The following TCF20 variants were observed in gnomAD, a reference collection of about 807,000 sequenced individuals.
The protein encoded by TCF20 is transcription factor 20, also known as SPRE-binding protein.
TCF20 carries 3 observed loss-of-function variants against 148.6 expected under a neutral mutation model. The ratio of observed to expected loss-of-function variants is 0.02; its 90% confidence interval spans 0.01 to 0.05. TCF20 has a LOEUF of 0.05. Ranked by LOEUF, TCF20 falls within the 10% of genes least tolerant of loss-of-function variation. The probability of loss-of-function intolerance (pLI) is 1.00; values close to 1 mark genes in which losing one functional copy is unlikely to be tolerated. For missense variants in TCF20, 2,350 were observed against 2,429.3 expected (o/e 0.97, Z 0.69); for synonymous variants, 1,049 against 909.5 (o/e 1.15, Z -2.76).
intron 2 of TCF20, among the ~76,000 whole-genome samples, chr22:42,194,889 T>TA (rs1464880544): frequency 6.6e-6 from 1 of 151,780 alleles, no homozygotes. Flanking sequence ...GAGTTAGGTG[T>TA]AGCTTCTCCA....
exon 1 of TCF20, among the ~76,000 whole-genome samples, chr22:42,283,995 T>A (rs933376985): frequency 4.6e-5 from 7 of 152,090 alleles, no homozygotes; most frequent in Non-Finnish European, 1.0e-4. Flanking sequence ...TCCTCGCGGC[T>A]CCTCCTGCCC....
At chr22:42,174,879 G>A (rs1314685301) in intron 3 of TCF20, among the ~76,000 whole-genome samples, 2 of 152,084 alleles carry the variant, frequency 1.3e-5, no homozygotes, top group South Asian at 4.2e-4. Context: ...ACTAAAAACA[G>A]AAAAAATTAG....
upstream of TCF20, among the ~76,000 whole-genome samples, chr22:42,286,152 C>T (rs115024078): frequency 0.021 from 3,190 of 152,286 alleles, 127 homozygotes; most frequent in African/African-American, 0.072. Context: ...AGGGTCTCAG[C>T]ACAGTGCAGA....
intron 1 of TCF20, among the ~76,000 whole-genome samples, chr22:42,264,261 T>TGGGGCGGGGGC (rs1174474635): frequency 6.0e-4 from 1 of 1,656 alleles, no homozygotes; most frequent in African/African-American, 4.1e-3. Flanking sequence ...AGATCTAAAG[T>TGGGGCGGGGGC]GGGGCGGGGG....
intron 2 of TCF20, among the ~76,000 whole-genome samples, chr22:42,186,906 T>C (rs1937072589): frequency 1.3e-5 from 2 of 152,232 alleles, no homozygotes; most frequent in Non-Finnish European, 2.9e-5. Flanking sequence ...TTCGAAAGCA[T>C]TGAAAACTGC....
intron 2 of TCF20, among the ~76,000 whole-genome samples, chr22:42,194,387 C>T (rs917585596): frequency 6.6e-6 from 1 of 152,284 alleles, no homozygotes; most frequent in African/African-American, 2.4e-5. Flanking sequence ...CTAAAACCCT[C>T]GCCCTGCCAG....
intron 2 of TCF20, among the ~76,000 whole-genome samples, chr22:42,197,251 TAC>T (rs1937638118): frequency 6.6e-6 from 1 of 152,136 alleles, no homozygotes; most frequent in Non-Finnish European, 1.5e-5. Flanking sequence ...CCAAGGAGGC[TAC>T]TTGATTTCCA....
intron 1 of TCF20, among the ~76,000 whole-genome samples, chr22:42,267,017 C>T (rs1193544942): frequency 6.6e-6 from 1 of 152,232 alleles, no homozygotes; most frequent in African/African-American, 2.4e-5. Flanking sequence ...TGCCTGTAAT[C>T]CCAGCACTTT....
At chr22:42,179,872 A>G (rs1042011006) in intron 2 of TCF20, among the ~76,000 whole-genome samples, 170 bp from the exon 3 acceptor site, 10 of 152,192 alleles carry the variant, frequency 6.6e-5, no homozygotes, top group African/African-American at 2.4e-4. Context: ...TGACCACACC[A>G]TGGGAAGGGA....
At chr22:42,175,229 C>G (rs1284417103) in intron 3 of TCF20, among the ~76,000 whole-genome samples, 1 of 152,194 alleles carries the variant, frequency 6.6e-6, no homozygotes, top group Non-Finnish European at 1.5e-5. Context: ...CCTGTTCTTG[C>G]TATGTTATCC....
chr22:42,271,616 T>C (rs1426163981), upstream of TCF20, among the ~76,000 whole-genome samples: 1 of 152,230 alleles, frequency 6.6e-6, no homozygotes, highest in Non-Finnish European at 1.5e-5. Flanking sequence ...CCCTGACCTT[T>C]GACCTGGCCA....
chr22:42,186,317 G>A (rs1239398587), intron 2 of TCF20, among the ~76,000 whole-genome samples: 1 of 152,144 alleles, frequency 6.6e-6, no homozygotes, highest in African/African-American at 2.4e-5. Context: ...TGTAAAATGG[G>A]GATAACAGTA....
intron 1 of TCF20, among the ~76,000 whole-genome samples, chr22:42,235,450 T>C (rs1055403424): frequency 6.6e-6 from 1 of 152,162 alleles, no homozygotes; most frequent in Admixed American, 6.6e-5. Flanking sequence ...GAACATTGAG[T>C]AGTACTATCT....
At chr22:42,185,604 G>C (rs192107517) in intron 2 of TCF20, among the ~76,000 whole-genome samples, 4 of 152,080 alleles carry the variant, frequency 2.6e-5, no homozygotes, top group African/African-American at 9.7e-5. Context: ...TGCCAACTAC[G>C]TGGCAGCTAG....
intron 1 of TCF20, among the ~76,000 whole-genome samples, chr22:42,221,063 T>A (rs1922310353): frequency 6.6e-6 from 1 of 152,176 alleles, no homozygotes; most frequent in Non-Finnish European, 1.5e-5. Context: ...CCTCTGCAGA[T>A]CAGAAGCTGA....
intron 5 of TCF20, among the ~76,000 whole-genome samples, chr22:42,167,181 C>T (rs1279272136): frequency 1.3e-5 from 2 of 152,226 alleles, no homozygotes; most frequent in East Asian, 3.8e-4. Flanking sequence ...GATCCCTTCA[C>T]TGCCAGCCCT....
In TCF20 at chr22:42,281,580, C is replaced by T. The variant is rs554087999; in HGVS notation, c.-37+2247G>A. On this transcript the variant is annotated intron_variant, in intron 1 of 5. Coordinates refer to the TCF20 transcript ENST00000359486. Reference sequence around the variant, plus strand: ...TGGTACACCCTCTCCTGCCTTAGCACGGCAAACTCCTACTCACTCTTCAAG... The same window carrying T: ...TGGTACACCCTCTCCTGCCTTAGCATGGCAAACTCCTACTCACTCTTCAAG... Among the ~76,000 whole-genome samples the T allele has an allele frequency of 5.3e-5, 8 of 152,356 alleles. No homozygotes were observed. The East Asian group carries it at 5.8e-4, about 11-fold the overall frequency.
chr22:42,235,141 C>A (rs1431280761), intron 1 of TCF20, among the ~76,000 whole-genome samples: 779 of 108,564 alleles, frequency 7.2e-3, no homozygotes, highest in Middle Eastern at 9.9e-3. Context: ...GACTCTGTCT[C>A]AAAAAAAAAA....
intron 1 of TCF20, among the ~76,000 whole-genome samples, chr22:42,264,478 T>C (rs1196576456): frequency 6.6e-6 from 1 of 152,226 alleles, no homozygotes; most frequent in African/African-American, 2.4e-5. Context: ...GCCAGGTCCC[T>C]ATTCACAAAC....
Sources: gnomAD v4.1 joint callset for allele counts (sites outside exome capture counted in the v4.1 genomes callset) on GRCh38, gnomAD v4.1.1 for gene constraint, MANE v1.5 for transcripts, NCBI Gene and HGNC (gene_info 2026-07-23, HGNC 2026-07-21) for gene names.